CHAT: variants seen among roughly 807,000 people sequenced by gnomAD.
CHAT encodes choline O-acetyltransferase.
CHAT carries 61 observed loss-of-function variants against 76.9 expected under a neutral mutation model. The ratio of observed to expected loss-of-function variants is 0.79; its 90% CI spans 0.65 to 0.98. The LOEUF is 0.98. Ranked by LOEUF, CHAT falls within the 50% of genes least tolerant of loss-of-function variation. CHAT has a pLI of 0.00. For missense variants in CHAT, 946 were observed against 986.9 expected (o/e 0.96, Z 0.56); for synonymous variants, 407 against 397.4 (o/e 1.02, Z -0.29).
upstream of CHAT, chr10:49,610,581 C>T (rs1255465059): frequency 3.2e-6 from 2 of 633,306 alleles, no homozygotes; most frequent in African/African-American, 1.9e-5. Flanking sequence ...CTTTCCTTTC[C>T]CGGGACGCTG....
upstream of CHAT, chr10:49,610,596 A>G: frequency 1.4e-6 from 1 of 729,552 alleles, no homozygotes; most frequent in Non-Finnish European, 2.1e-6. Context: ...ACGCTGGGCC[A>G]TGAGCTCCGC....
chr10:49,665,136 C>A lies in CHAT; in HGVS notation c.*90C>A. 2 of 1,405,832 alleles carry A rather than the reference C, an allele frequency of 1.4e-6. No individual in the cohort carries two copies. The highest frequency in any genetic ancestry group is 2.0e-6 in the Non-Finnish European group (2 of 998,112). 87.1% of individuals were successfully genotyped at this position (1,405,832 alleles called of 1,614,324 possible). A position where few individuals can be genotyped will look rare whatever the true frequency, so the allele number is the denominator to read the frequency against. ...ACTCCCGTCCCTTACCCCAGCTTTC[C>A]ACAGCTCCCTGTCCTCAGGGTCCAA... On this transcript the variant is annotated 3_prime_UTR_variant, in exon 15 of 15. Transcript: ENST00000337653.
chr10:49,632,427 G>A (rs958333208), intron 7 of CHAT, among the ~76,000 whole-genome samples: 1 of 152,160 alleles, frequency 6.6e-6, no homozygotes, highest in African/African-American at 2.4e-5. Context: ...CACGGAAAGG[G>A]TTGAGCTATT....
chr10:49,642,116 C>T (rs1839500918), intron 7 of CHAT, among the ~76,000 whole-genome samples: 1 of 152,202 alleles, frequency 6.6e-6, no homozygotes, highest in African/African-American at 2.4e-5. Flanking sequence ...CTCACTATTA[C>T]GCCGGGCTCC....
At chr10:49,611,239 G>A, upstream of CHAT, 2 of 1,613,736 alleles carry the variant, frequency 1.2e-6, no homozygotes, top group Middle Eastern at 3.3e-4. Flanking sequence ...CGCCTCTACA[G>A]TCCTGTTCGC....
chr10:49,610,220 A>G (rs1007485068), upstream of CHAT: 1 of 151,592 alleles, frequency 6.6e-6, no homozygotes, highest in African/African-American at 2.4e-5. Flanking sequence ...TGAGCGACGT[A>G]AGTGGCCCGG....
chr10:49,617,867 A>G (rs1838556307), intron 2 of CHAT, among the ~76,000 whole-genome samples: 1 of 152,172 alleles, frequency 6.6e-6, no homozygotes, highest in African/African-American at 2.4e-5. Context: ...CCAGGGCAGG[A>G]GCAGCCCGTA....
intron 13 of CHAT, among the ~76,000 whole-genome samples, chr10:49,659,180 T>C (rs1045465745): frequency 9.2e-5 from 14 of 151,642 alleles, no homozygotes; most frequent in African/African-American, 3.4e-4. Context: ...ATAAAAAGAG[T>C]AGTGTCTTCA....
At chr10:49,629,836 T>C (rs1043242667) in intron 7 of CHAT, among the ~76,000 whole-genome samples, 1 of 152,224 alleles carries the variant, frequency 6.6e-6, no homozygotes, top group African/African-American at 2.4e-5. Flanking sequence ...AGAGCAGCCC[T>C]GCCTATGGAA....
chr10:49,656,327 G>A (rs1840036151), intron 13 of CHAT, among the ~76,000 whole-genome samples: 1 of 137,174 alleles, frequency 7.3e-6, no homozygotes, highest in Non-Finnish European at 1.5e-5. Context: ...CATGCTTTAT[G>A]CCAGGCAAGG....
At position 49,655,441 on chromosome 10, in the gene CHAT, C is replaced by G; in HGVS notation, c.1832C>G (p.Thr611Arg). ...GCCATCCGTGCCCAGACTGCATACA[C>G]AGTCATGGTGAGTGACGTCGCACCA... ...KDAIRAQTAY[T>R]VMAITGMAID... Residue 611 changes from threonine (T) to arginine (R), a missense_variant, in exon 13 of 15, where the codon ACA becomes AGA. Coordinates refer to ENST00000337653, the MANE Select transcript of CHAT (RefSeq NM_020549.5). 6.2e-7 allele frequency: 1 copy of G among 1,613,960 alleles called. No individual in the cohort carries two copies. Among genetic ancestry groups the G allele is most frequent in the Admixed American group, 1.7e-5 (1 of 60,034 alleles).
rs1484377540 is a variant in CHAT, at chr10:49,665,179, G to A, written c.*133G>A. ...GGGTCCAACTCACAGACCATACAGAGACATCACACAGAGCCGGAGTGTTAG... is the reference window on the plus strand; with the variant it reads ...GGGTCCAACTCACAGACCATACAGAAACATCACACAGAGCCGGAGTGTTAG... On this transcript the variant is annotated 3_prime_UTR_variant, in exon 15 of 15. Transcript: ENST00000337653. 1 of 954,208 alleles carries A rather than the reference G, an allele frequency of 1.0e-6. No individual in the cohort carries two copies. The highest frequency in any genetic ancestry group is 1.7e-6 in the Non-Finnish European group (1 of 597,850). The allele number at this position is 954,208 out of a possible 1,614,324, so 59.1% of individuals were successfully genotyped here. A position where few individuals can be genotyped will look rare whatever the true frequency, so the allele number is the denominator to read the frequency against.
chr10:49,611,001 G>A (rs773239597), upstream of CHAT: 5 of 1,613,248 alleles, frequency 3.1e-6, no homozygotes, highest in Non-Finnish European at 4.2e-6. Context: ...TGCCCACTCC[G>A]GCCAATGCCA....
In CHAT at chr10:49,666,327, G is replaced by C. The variant is rs1315023334; in HGVS notation, c.*1281G>C. 1.3e-5 allele frequency among the ~76,000 whole-genome samples: 2 copies of C among 152,348 alleles called. No homozygotes were observed. Among genetic ancestry groups the C allele is most frequent in the East Asian group, 3.9e-4 (2 of 5,178 alleles). ...CAGGACAGGCAGGTCAGCAGAGGCA[G>C]AGTTGAGATGTCTCCAGAGACTGTG... On this transcript the variant is annotated 3_prime_UTR_variant, in exon 15 of 15. Transcript: ENST00000337653.
At chr10:49,658,083 T>A (rs1293367281) in intron 13 of CHAT, among the ~76,000 whole-genome samples, 3 of 152,206 alleles carry the variant, frequency 2.0e-5, no homozygotes, top group African/African-American at 7.2e-5. Flanking sequence ...AAAATCTTTT[T>A]AAAAAAACTT....
At chr10:49,639,095 C>T (rs908679602) in intron 7 of CHAT, among the ~76,000 whole-genome samples, 12 of 151,882 alleles carry the variant, frequency 7.9e-5, no homozygotes, top group Non-Finnish European at 1.2e-4. Flanking sequence ...ATTAGCCTGG[C>T]GTGGTGGCAG....
Position 49,655,221 on chromosome 10 carries a change from CA to C in CHAT, c.1763del (p.Lys588ArgfsTer13). The C allele has an allele frequency of 6.2e-7, 1 of 1,614,068 alleles. No homozygotes were observed. Among genetic ancestry groups the C allele is most frequent in the East Asian group, 2.2e-5 (1 of 44,884 alleles). ...LAFVRAVTDH[K>X]AAVPASEKLL... Reference sequence around the variant, plus strand: ...CTTTTGTGAGAGCCGTGACTGACCACAAGGCTGCTGTGCCAGTAAGTCCCGC... The same window carrying C: ...CTTTTGTGAGAGCCGTGACTGACCACAGGCTGCTGTGCCAGTAAGTCCCGC... On this transcript the variant is annotated frameshift_variant, in exon 12 of 15. Transcript: ENST00000337653. LOFTEE classifies it high-confidence loss of function.
chr10:49,655,338 TCC>T, intron 12 of CHAT, 46 bp from the exon 13 acceptor site: 1 of 1,612,720 alleles, frequency 6.2e-7, no homozygotes, highest in Non-Finnish European at 8.5e-7. Flanking sequence ...ATGCTTTGGC[TCC>T]AAGCAGCCTT....
upstream of CHAT, chr10:49,610,752 G>A (rs1357957256): frequency 1.7e-5 from 26 of 1,526,704 alleles, no homozygotes; most frequent in Non-Finnish European, 2.2e-5. Context: ...TGGAATCCGC[G>A]GAACCTGCGG....
Sources: allele counts gnomAD v4.1 joint callset (sites outside exome capture counted in the v4.1 genomes callset), GRCh38; gene constraint gnomAD v4.1.1; transcripts MANE v1.5; gene names NCBI Gene and HGNC (gene_info 2026-07-23, HGNC 2026-07-21).